The following TBC1D9B variants were observed in gnomAD, a reference collection of about 807,000 sequenced individuals.
TBC1D9B encodes the protein TBC1 domain family member 9B, also known as TBC1 domain family, member 9B (with GRAM domain).
A neutral mutation model predicts 121.1 loss-of-function variants in TBC1D9B; 87 were observed. That is an observed-to-expected ratio of 0.72 (90% confidence interval 0.60 to 0.86). The LOEUF (loss-of-function observed/expected upper bound fraction) is 0.86. Among genes scored for constraint, TBC1D9B ranks in the 40% least tolerant of loss-of-function variants. The probability of loss-of-function intolerance (pLI) is 0.00; values close to 1 mark genes in which losing one functional copy is unlikely to be tolerated. For synonymous variants in TBC1D9B, 668 were observed against 670.1 expected (o/e 1.00, Z 0.05); for missense variants, 1,540 against 1,628.6 (o/e 0.95, Z 0.94).
chr5:179,876,925 A>G (rs1760374819), intron 10 of TBC1D9B, among the ~76,000 whole-genome samples: 1 of 150,916 alleles, frequency 6.6e-6, no homozygotes, highest in Non-Finnish European at 1.5e-5. Flanking sequence ...ACAAAAAGTA[A>G]CTGGGCGTGG....
chr5:179,867,857 T>C lies in TBC1D9B; in HGVS notation c.2792-8A>G. ...CTTCCTCTGGGCTCAGAGCTGTGCT[T>C]GGAGAGAAGGCAGAGTGAGGGCAGG... On this transcript the variant is annotated splice_region_variant and splice_polypyrimidine_tract_variant and intron_variant, in intron 17 of 20. Transcript: ENST00000355235. The C allele has an allele frequency of 3.3e-6, 5 of 1,511,446 alleles. No homozygotes were observed. The highest frequency in any genetic ancestry group is 3.5e-6 in the Non-Finnish European group (4 of 1,130,050). 93.6% of individuals were successfully genotyped at this position (1,511,446 alleles called of 1,614,324 possible).
chr5:179,889,130 C>T (rs1173660900), intron 6 of TBC1D9B, among the ~76,000 whole-genome samples: 4 of 151,928 alleles, frequency 2.6e-5, no homozygotes, highest in Admixed American at 1.3e-4. Context: ...CCCGGGTTCA[C>T]GCCATTCTCC....
rs796278508 is a variant in TBC1D9B, at chr5:179,881,946, G to GTTTTTTTTTTTTT, written c.1255-2170_1255-2158dup. Among the ~76,000 whole-genome samples, 49 of 128,280 alleles carry GTTTTTTTTTTTTT rather than the reference G, an allele frequency of 3.8e-4. 1 individual carries two copies. The highest frequency in any genetic ancestry group is 1.5e-3 in the African/African-American group (45 of 29,960). The allele number at this position is 128,280 out of a possible 152,430, so 84.2% of individuals were successfully genotyped here. Reference sequence around the variant, plus strand: ...TTCCATATCTTTCCATATACCTTCCGTTTTTTTTTTTTTTTTGAGATGGAG... The same window carrying GTTTTTTTTTTTTT: ...TTCCATATCTTTCCATATACCTTCCGTTTTTTTTTTTTTTTTTTTTTTTTTTTTTGAGATGGAG... On this transcript the variant is annotated intron_variant, in intron 7 of 20. Transcript: ENST00000355235.
chr5:179,886,486 C>G (rs1760688948), intron 7 of TBC1D9B, among the ~76,000 whole-genome samples: 1 of 152,204 alleles, frequency 6.6e-6, no homozygotes, highest in African/African-American at 2.4e-5. Flanking sequence ...TCCAACTTCA[C>G]TCTTTCTTGA....
chr5:179,868,123 C>T (rs115087137), intron 17 of TBC1D9B: 10 of 268,542 alleles, frequency 3.7e-5, no homozygotes, highest in Non-Finnish European at 7.0e-5. Flanking sequence ...CTGCAAGCTC[C>T]GCCTACTGGG....
In TBC1D9B at chr5:179,888,070, A is replaced by G. The variant is rs571315655; in HGVS notation, c.1254+33T>C. The G allele has an allele frequency of 5.6e-6, 9 of 1,611,798 alleles. No individual in the cohort carries two copies. In the Admixed American group the frequency reaches 6.7e-5, roughly 12 times the overall value. The stretch of plus-strand genomic sequence containing the variant: ...GATGCCCTGGCTCTTCCTGGGCCCA[A>G]CTCGACCCTGCTGCTCCCAAGGGGC... On this transcript the variant is annotated intron_variant, in intron 7 of 20. Transcript: ENST00000355235.
At chr5:179,889,820 G>A (rs1760808092) in intron 6 of TBC1D9B, among the ~76,000 whole-genome samples, 1 of 139,966 alleles carries the variant, frequency 7.1e-6, no homozygotes. Context: ...GCTGTAGTGA[G>A]CCATGATCAC....
Position 179,879,225 on chromosome 5 carries a change from G to A in TBC1D9B, c.1417-28C>T, listed in dbSNP as rs199926958. ...GAGGGAAAAGCGCATCAGGGAGCCTGGGGGCCGAAGCGCATCTGAGTGCCG... is the reference window on the plus strand; with the variant it reads ...GAGGGAAAAGCGCATCAGGGAGCCTAGGGGCCGAAGCGCATCTGAGTGCCG... On this transcript the variant is annotated intron_variant, in intron 8 of 20. Coordinates refer to ENST00000355235, the MANE Select transcript of TBC1D9B (RefSeq NM_015043.4). The A allele has an allele frequency of 3.6e-4, 571 of 1,588,714 alleles. 3 individuals are homozygous for A. The African/African-American group carries it at 6.6e-3, about 18-fold the overall frequency.
Position 179,865,120 on chromosome 5 carries a change from C to T in TBC1D9B, c.3021+134G>A. ...AATCATCGCTGACTGGCAACCAGGA[C>T]TAACGGGCTCTAGAGGCAGGGAGGA... On this transcript the variant is annotated intron_variant, in intron 20 of 20. Transcript: ENST00000355235. This position sits in a 1 kb window ranked among gnomAD's most constrained non-coding sequence, Gnocchi z 5.1. The T allele has an allele frequency of 1.3e-6, 1 of 787,824 alleles. No individual in the cohort carries two copies. The highest frequency in any genetic ancestry group is 1.6e-5 in the South Asian group (1 of 61,826). The allele number at this position is 787,824 out of a possible 1,614,324, so 48.8% of individuals were successfully genotyped here. A position where few individuals can be genotyped will look rare whatever the true frequency, so the allele number is the denominator to read the frequency against.
chr5:179,901,186 C>T (rs1761156900), intron 2 of TBC1D9B, among the ~76,000 whole-genome samples: 1 of 152,172 alleles, frequency 6.6e-6, no homozygotes, highest in African/African-American at 2.4e-5. Context: ...CACAAAAGGC[C>T]CCCAGAATTA....
intron 7 of TBC1D9B, among the ~76,000 whole-genome samples, chr5:179,887,383 C>G (rs1760720062): frequency 6.6e-6 from 1 of 152,252 alleles, no homozygotes; most frequent in African/African-American, 2.4e-5. Flanking sequence ...CTCGGTCTCA[C>G]CGCTCAACCA....
chr5:179,907,825 G>C lies in TBC1D9B; in HGVS notation c.-4C>G. The C allele has an allele frequency of 8.6e-7, 1 of 1,157,268 alleles. No individual in the cohort carries two copies. Among genetic ancestry groups the C allele is most frequent in the Non-Finnish European group, 1.1e-6 (1 of 918,490 alleles). 71.7% of individuals were successfully genotyped at this position (1,157,268 alleles called of 1,614,324 possible). A position where few individuals can be genotyped will look rare whatever the true frequency, so the allele number is the denominator to read the frequency against. ...CCTCCTCCGGGCTCAGCCACATCGC[G>C]GAGCCGCTCGCACCGGGCCGAGGCC... On this transcript the variant is annotated 5_prime_UTR_variant, in exon 1 of 21. Transcript: ENST00000355235. This position sits in a 1 kb window ranked among gnomAD's most constrained non-coding sequence, Gnocchi z 5.3.
intron 5 of TBC1D9B, among the ~76,000 whole-genome samples, chr5:179,893,003 C>CTT (rs770156178): frequency 6.6e-5 from 10 of 152,244 alleles, no homozygotes; most frequent in Non-Finnish European, 1.3e-4. Context: ...TTAGTGGTAT[C>CTT]CTCAGGACAT....
chr5:179,878,990 G>T (rs928878612), intron 9 of TBC1D9B, 57 bp downstream of exon 9: 2 of 1,575,198 alleles, frequency 1.3e-6, no homozygotes, highest in African/African-American at 2.7e-5. Context: ...CTCACACGGG[G>T]AGAGCTTGGG....
At chr5:179,869,498 G>A (rs1760119842) in intron 17 of TBC1D9B, 1 of 634,270 alleles carries the variant, frequency 1.6e-6, no homozygotes, top group African/African-American at 1.8e-5. Context: ...TGGGTTTTGG[G>A]TCCAGCTGCC....
rs1054283900 is a variant in TBC1D9B at position 179,904,642 on chromosome 5, C to T, written c.229+60G>A. On this transcript the variant is annotated intron_variant, in intron 2 of 20. Transcript: ENST00000355235. The surrounding 1 kb of genome is among the most constrained non-coding windows in gnomAD (Gnocchi z 4.2). ...ACGTGGGCTACACACCCCTTCCTCTCGGCAACGGCCCTTCCAGGGCAGGCC... is the reference window on the plus strand; with the variant it reads ...ACGTGGGCTACACACCCCTTCCTCTTGGCAACGGCCCTTCCAGGGCAGGCC... 147 of 1,454,894 alleles carry T rather than the reference C, an allele frequency of 1.0e-4. No homozygotes were observed. Among genetic ancestry groups the T allele is most frequent in the Non-Finnish European group, 1.4e-4 (145 of 1,063,216 alleles). 90.1% of individuals were successfully genotyped at this position (1,454,894 alleles called of 1,614,324 possible).
Position 179,907,806 on chromosome 5 carries a change from C to G in TBC1D9B, c.16G>C (p.Glu6Gln), listed in dbSNP as rs1485126774. 1 of 1,197,428 alleles carries G rather than the reference C, an allele frequency of 8.4e-7. No individual in the cohort carries two copies. The highest frequency in any genetic ancestry group is 1.1e-6 in the Non-Finnish European group (1 of 939,520). The allele number at this position is 1,197,428 out of a possible 1,614,324, so 74.2% of individuals were successfully genotyped here. Residue 6 changes from glutamate to glutamine, a missense_variant, in exon 1 of 21, where the codon GAG (glutamate) becomes CAG (glutamine). Coordinates refer to ENST00000355235, the MANE Select transcript of TBC1D9B (RefSeq NM_015043.4). The surrounding 1 kb of genome is among the most constrained non-coding windows in gnomAD (Gnocchi z 5.3). MWLSP[E>Q]EVLVANALWV... is the part of the protein sequence containing the mutation. ...AGCGCATTGGCCACCAGCACCTCCT[C>G]CGGGCTCAGCCACATCGCGGAGCCG...
chr5:179,898,244 C>T lies in TBC1D9B; in HGVS notation c.348+945G>A, dbSNP rs760686409. ...TTGGCTCACTGCAAACTCTGCTTCC[C>T]GGGTTTATGCCATTCTCCTGCCTCA... On this transcript the variant is annotated intron_variant, in intron 3 of 20. Coordinates refer to ENST00000355235, the MANE Select transcript of TBC1D9B (RefSeq NM_015043.4). Among the ~76,000 whole-genome samples the T allele has an allele frequency of 3.6e-4, 54 of 151,786 alleles. 1 individual carries two copies. The highest frequency in any genetic ancestry group is 5.3e-4 in the Non-Finnish European group (36 of 67,948).
At chr5:179,876,800 T>C (rs996428156) in intron 10 of TBC1D9B, among the ~76,000 whole-genome samples, 1 of 152,070 alleles carries the variant, frequency 6.6e-6, no homozygotes. Flanking sequence ...CAGGCCACAG[T>C]AGCTCACACT....
Sources: allele counts gnomAD v4.1 joint callset (sites outside exome capture counted in the v4.1 genomes callset), GRCh38; gene constraint gnomAD v4.1.1; non-coding constraint Gnocchi (gnomAD v3.1); transcripts MANE v1.5; gene names NCBI Gene and HGNC (gene_info 2026-07-23, HGNC 2026-07-21).